SND1: variants seen among roughly 807,000 people sequenced by gnomAD.
The protein encoded by SND1 is staphylococcal nuclease domain-containing protein 1.
SND1 carries 38 observed loss-of-function variants against 121.7 expected under a neutral mutation model. The observed-to-expected ratio is 0.31, with a 90% CI of 0.24 to 0.41. The LOEUF (loss-of-function observed/expected upper bound fraction) is 0.41, where lower values mean the gene tolerates loss of function less well. Ranked by LOEUF, SND1 falls within the 10% of genes least tolerant of loss-of-function variation. The probability of loss-of-function intolerance (pLI) is 1.00; values close to 1 mark genes in which losing one functional copy is unlikely to be tolerated. For synonymous variants in SND1, 401 were observed against 447.4 expected (o/e 0.90, Z 1.31); for missense variants, 868 against 1,184.6 (o/e 0.73, Z 3.92).
chr7:127,739,115 G>C lies in SND1; in HGVS notation c.1152+17715G>C, dbSNP rs551233827. Reference sequence around the variant, plus strand: ...GTGCTGAAATGTGTCTGCAGTTTCAGTAAGAGAAAGAATGGGTTCAGGGCT... The same window carrying C: ...GTGCTGAAATGTGTCTGCAGTTTCACTAAGAGAAAGAATGGGTTCAGGGCT... On this transcript the variant is annotated intron_variant, in intron 10 of 23. Transcript: ENST00000354725. Among the ~76,000 whole-genome samples the C allele has an allele frequency of 2.6e-5, 4 of 152,326 alleles. No individual in the cohort carries two copies. The South Asian group carries it at 8.3e-4, about 32-fold the overall frequency.
Position 128,088,531 on chromosome 7 carries a change from C to G in SND1, c.2419-958C>G, listed in dbSNP as rs563208531. Among the ~76,000 whole-genome samples the G allele has an allele frequency of 1.7e-3, 246 of 146,296 alleles. 2 individuals carry two copies. Among genetic ancestry groups the G allele is most frequent in the Admixed American group, 3.2e-3 (46 of 14,262 alleles). ...GCAGTGGCACAATCTCGGCTCACTG[C>G]AACCTCTCCCTCCCAGGTTGAAGTG... On this transcript the variant is annotated intron_variant, in intron 21 of 23. Coordinates refer to ENST00000354725, the MANE Select transcript of SND1 (RefSeq NM_014390.4).
At chr7:128,021,225 A>G (rs368103987) in intron 16 of SND1, among the ~76,000 whole-genome samples, 4 of 152,348 alleles carry the variant, frequency 2.6e-5, no homozygotes, top group South Asian at 2.1e-4. Flanking sequence ...TCTTCTTGCA[A>G]TGGCAATAGA....
In SND1 at chr7:127,698,865, T is replaced by C; in HGVS notation, c.350-10T>C. On this transcript the variant is annotated splice_polypyrimidine_tract_variant and intron_variant, in intron 3 of 23. Transcript: ENST00000354725. ...AATCTTGTTTTTAAATCCCCCCTTT[T>C]CCTCCTCAGATACCAATGGGGAAAA... 6.2e-7 allele frequency: 1 copy of C among 1,613,080 alleles called. No individual in the cohort carries two copies. The highest frequency in any genetic ancestry group is 1.1e-5 in the South Asian group (1 of 91,054).
chr7:128,002,889 A>G (rs1802869764), intron 16 of SND1, among the ~76,000 whole-genome samples: 1 of 152,226 alleles, frequency 6.6e-6, no homozygotes, highest in South Asian at 2.1e-4. Flanking sequence ...GTTGGAAGAT[A>G]GATAGCACAG....
chr7:127,975,443 G>A (rs1223016726), intron 15 of SND1, among the ~76,000 whole-genome samples: 2 of 151,536 alleles, frequency 1.3e-5, no homozygotes, highest in Non-Finnish European at 2.9e-5. Context: ...GTGTGTGTGT[G>A]TGTGTGTGTG....
In SND1 at chr7:127,768,834, A is replaced by G. The variant is rs528953808; in HGVS notation, c.1153-38650A>G. On this transcript the variant is annotated intron_variant, in intron 10 of 23. Transcript: ENST00000354725. ...CGTTTTATTCAAACTGAAGTGCTTC[A>G]GGATGGTCAGATGCATTGTCTAGGA... Among the ~76,000 whole-genome samples the G allele has an allele frequency of 2.6e-5, 4 of 152,336 alleles. No individual in the cohort carries two copies. In the South Asian group the frequency reaches 8.3e-4, roughly 32 times the overall value.
chr7:127,712,669 G>A (rs1195170630), intron 9 of SND1, among the ~76,000 whole-genome samples: 2 of 152,312 alleles, frequency 1.3e-5, no homozygotes, highest in Admixed American at 6.5e-5. Flanking sequence ...AGTCAGTGGA[G>A]TAAGTTACTA....
chr7:128,026,568 G>GAC, intron 16 of SND1, among the ~76,000 whole-genome samples: 2 of 152,334 alleles, frequency 1.3e-5, no homozygotes, highest in Non-Finnish European at 2.9e-5. Flanking sequence ...TCAGGAGACA[G>GAC]ACACCTACCA....
chr7:127,840,465 C>T (rs1798944206), intron 11 of SND1, among the ~76,000 whole-genome samples: 1 of 152,158 alleles, frequency 6.6e-6, no homozygotes, highest in Non-Finnish European at 1.5e-5. Flanking sequence ...TCGTAAAATA[C>T]TTGCATACAA....
In SND1 at chr7:127,671,188, C is replaced by T. The variant is rs143326018; in HGVS notation, c.79-15425C>T. Among the ~76,000 whole-genome samples the T allele has an allele frequency of 1.9e-4, 29 of 152,226 alleles. 1 individual carries two copies. The East Asian group carries it at 5.4e-3, about 28-fold the overall frequency. On this transcript the variant is annotated intron_variant, in intron 1 of 23. Transcript: ENST00000354725. ...TCTATCACTGATGCTCTACAACAGC[C>T]TTTAGTATGTTTAGCATCTTGAAAG...
intron 16 of SND1, among the ~76,000 whole-genome samples, chr7:128,051,903 G>A (rs889798652): frequency 1.3e-5 from 2 of 152,178 alleles, no homozygotes; most frequent in African/African-American, 4.8e-5. Flanking sequence ...CTTTCTAAAA[G>A]TCATCCACTG....
chr7:127,696,360 T>G (rs1391750349), intron 3 of SND1, among the ~76,000 whole-genome samples: 1 of 152,216 alleles, frequency 6.6e-6, no homozygotes, highest in Non-Finnish European at 1.5e-5. Flanking sequence ...TGCTTCTTAT[T>G]TGAATGAGAA....
At chr7:127,847,015 C>G (rs1376486616) in intron 12 of SND1, among the ~76,000 whole-genome samples, 1 of 151,996 alleles carries the variant, frequency 6.6e-6, no homozygotes, top group African/African-American at 2.4e-5. Flanking sequence ...TGCCTGTAAT[C>G]CCAGCACTTT....
intron 10 of SND1, among the ~76,000 whole-genome samples, chr7:127,803,102 CTG>C (rs1798165384): frequency 1.3e-5 from 2 of 152,352 alleles, no homozygotes; most frequent in South Asian, 2.1e-4. Flanking sequence ...GAAGTCAGCT[CTG>C]TGTCTTCATC....
intron 2 of SND1, among the ~76,000 whole-genome samples, chr7:127,688,211 A>G (rs1795850438): frequency 6.6e-6 from 1 of 152,062 alleles, no homozygotes; most frequent in Non-Finnish European, 1.5e-5. Context: ...CCTATGTCCC[A>G]TCATCTCCTC....
chr7:127,698,200 T>C (rs1796041013), intron 3 of SND1, among the ~76,000 whole-genome samples: 1 of 152,156 alleles, frequency 6.6e-6, no homozygotes, highest in South Asian at 2.1e-4. Context: ...GAGAAAGTCT[T>C]TGTCAAATGG....
intron 10 of SND1, among the ~76,000 whole-genome samples, chr7:127,733,848 C>G (rs1291854837): frequency 6.6e-6 from 1 of 152,146 alleles, no homozygotes; most frequent in Non-Finnish European, 1.5e-5. Flanking sequence ...AGCTGAGAGG[C>G]ACAGGTGCAT....
At chr7:128,035,870 A>G (rs1285356878) in intron 16 of SND1, among the ~76,000 whole-genome samples, 1 of 151,872 alleles carries the variant, frequency 6.6e-6, no homozygotes, top group Non-Finnish European at 1.5e-5. Flanking sequence ...AGGCTAGACC[A>G]CTCCCTAACC....
At chr7:128,047,475 T>A (rs1224540276) in intron 16 of SND1, among the ~76,000 whole-genome samples, 1 of 152,260 alleles carries the variant, frequency 6.6e-6, no homozygotes, top group Non-Finnish European at 1.5e-5. Flanking sequence ...CTGAAATCTC[T>A]TTTTTAAAGG....
Sources: allele counts gnomAD v4.1 joint callset (sites outside exome capture counted in the v4.1 genomes callset), GRCh38; gene constraint gnomAD v4.1.1; transcripts MANE v1.5; gene names NCBI Gene and HGNC (gene_info 2026-07-23, HGNC 2026-07-21).